Variants in DST observed in about 807,000 individuals in gnomAD.
DST encodes the protein dystonin, also known as bullous pemphigoid antigen.
In DST, 253 loss-of-function variants were observed where a neutral mutation model predicts 875.2. That is an observed-to-expected ratio of 0.29 (90% CI 0.26 to 0.32). The LOEUF (loss-of-function observed/expected upper bound fraction) is 0.32, where lower values mean the gene tolerates loss of function less well. DST is among the 10% of genes least tolerant of loss of function. The pLI, the probability that DST is intolerant of heterozygous loss-of-function variation, is 1.00. For synonymous variants in DST, 3,124 were observed against 3,197.1 expected (o/e 0.98, Z 0.77); for missense variants, 8,287 against 9,111.6 (o/e 0.91, Z 3.68).
At chr6:56,532,216 A>G in intron 64 of DST, 128 bp downstream of exon 64, 1 of 840,070 alleles carries the variant, frequency 1.2e-6, no homozygotes, top group Non-Finnish European at 1.8e-6. Flanking sequence ...AATCTTTGCT[A>G]TCTCTGTTCA....
intron 2 of DST, among the ~76,000 whole-genome samples, chr6:56,939,761 A>C (rs1032950948): frequency 6.6e-6 from 1 of 152,138 alleles, no homozygotes; most frequent in Non-Finnish European, 1.5e-5. Flanking sequence ...GTGGTGGCTC[A>C]CGCCTGTAAT....
chr6:56,462,824 T>A (rs1207535469), intron 102 of DST, among the ~76,000 whole-genome samples: 1 of 152,088 alleles, frequency 6.6e-6, no homozygotes, highest in Non-Finnish European at 1.5e-5. Flanking sequence ...AGTGACTGGG[T>A]CAAATTGACA....
At chr6:56,777,206 A>C (rs2099680876) in intron 4 of DST, among the ~76,000 whole-genome samples, 1 of 152,142 alleles carries the variant, frequency 6.6e-6, no homozygotes, top group Non-Finnish European at 1.5e-5. Flanking sequence ...AAGGCAATCC[A>C]ACAAATAGGA....
chr6:56,525,264 A>T (rs1027845874), intron 69 of DST, among the ~76,000 whole-genome samples: 1 of 152,192 alleles, frequency 6.6e-6, no homozygotes, highest in African/African-American at 2.4e-5. Flanking sequence ...ATAGTTAAAT[A>T]AACTTCACAA....
chr6:56,517,668 C>T, intron 69 of DST, 48 bp from the exon 70 acceptor site: 1 of 1,563,566 alleles, frequency 6.4e-7, no homozygotes, highest in South Asian at 1.2e-5. Context: ...GTTCCTGATG[C>T]CAGAAAATAC....
chr6:56,634,184 C>G lies in DST; in HGVS notation c.3569G>C (p.Trp1190Ser), dbSNP rs2098807192. 1 of 1,613,570 alleles carries G rather than the reference C, an allele frequency of 6.2e-7. No homozygotes were observed. Among genetic ancestry groups the G allele is most frequent in the Non-Finnish European group, 8.5e-7 (1 of 1,179,980 alleles). The change falls in exon 27 of 104, where the codon TGG (tryptophan) becomes TCG (serine). Residue 1190 changes from tryptophan (W) to serine (S), a missense_variant. Physicochemically the swap from Trp to Ser is radical, Grantham distance 177. This residue lies in a region of DST where 3,138 missense variants were observed against 3,116.6 expected (regional missense o/e 1.01). Transcript: ENST00000680361. The part of the protein sequence containing the change: ...SHINMKSVVS[W>S]HYLINEIDRI... ...ATCAATTTCATTGATGAGATAATGCCAGGATACTACACTCTTCATGTTTAT... is the reference window on the plus strand; with the variant it reads ...ATCAATTTCATTGATGAGATAATGCGAGGATACTACACTCTTCATGTTTAT...
intron 4 of DST, among the ~76,000 whole-genome samples, chr6:56,755,848 T>G (rs547101847): frequency 1.3e-5 from 2 of 152,216 alleles, no homozygotes; most frequent in African/African-American, 4.8e-5. Flanking sequence ...GCAAGACACA[T>G]AGCCTTGCTA....
At chr6:56,840,578 CTCTT>C (rs1345693028) in intron 4 of DST, among the ~76,000 whole-genome samples, 1 of 152,104 alleles carries the variant, frequency 6.6e-6, no homozygotes, top group Non-Finnish European at 1.5e-5. Context: ...TAGCAAATAG[CTCTT>C]TCTGTGTTAT....
Position 56,709,399 on chromosome 6 carries a change from T to C in DST, c.688-5030A>G, listed in dbSNP as rs138184835. Among the ~76,000 whole-genome samples the C allele has an allele frequency of 1.6e-4, 25 of 152,350 alleles. 1 individual carries two copies. The East Asian group carries it at 4.8e-3, about 29-fold the overall frequency. On this transcript the variant is annotated intron_variant, in intron 5 of 103. Coordinates refer to ENST00000680361, the MANE Select transcript of DST (RefSeq NM_001374736.1). The stretch of plus-strand genomic sequence containing the variant: ...GCTTAACTTATCAAAAATACTACAC[T>C]GAAAATTTCCTTTTGTTAACCTATA...
At chr6:56,713,864 T>C (rs2099386299) in intron 5 of DST, among the ~76,000 whole-genome samples, 1 of 152,230 alleles carries the variant, frequency 6.6e-6, no homozygotes, top group Admixed American at 6.5e-5. Flanking sequence ...ATACTTTATA[T>C]GCAAACTAAT....
chr6:56,627,503 T>C (rs2098745307), intron 33 of DST, among the ~76,000 whole-genome samples: 1 of 152,180 alleles, frequency 6.6e-6, no homozygotes, highest in Non-Finnish European at 1.5e-5. Flanking sequence ...CAGAAATTAC[T>C]AAACTCCTTA....
At chr6:56,612,827 TA>T (rs1185914388) in intron 37 of DST, among the ~76,000 whole-genome samples, 1 of 152,208 alleles carries the variant, frequency 6.6e-6, no homozygotes, top group Non-Finnish European at 1.5e-5. Context: ...TCTGACTTAG[TA>T]ATGTTTTAGA....
At position 56,605,797 on chromosome 6, in the gene DST, T is replaced by C; in HGVS notation, c.8831A>G (p.Asn2944Ser). 1 of 1,612,598 alleles carries C rather than the reference T, an allele frequency of 6.2e-7. No individual in the cohort carries two copies. The highest frequency in any genetic ancestry group is 8.5e-7 in the Non-Finnish European group (1 of 1,179,226). Residue 2944 changes from asparagine to serine, a missense_variant, in exon 40 of 104, where the codon AAT (asparagine) becomes AGT (serine). Transcript: ENST00000680361. Reference protein sequence around the residue: ...FGPASISHDNNNISSTSELGT... With the variant: ...FGPASISHDNSNISSTSELGT... ...TAATTCAGAAGTTGAACTGATATTA[T>C]TATTATCATGTGAAATACTTGCAGG...
chr6:56,596,814 C>T (rs1409519915), intron 47 of DST, among the ~76,000 whole-genome samples: 1 of 152,182 alleles, frequency 6.6e-6, no homozygotes, highest in Non-Finnish European at 1.5e-5. Flanking sequence ...CTACAGAAGT[C>T]GCCTTTGCTC....
chr6:56,811,679 G>A (rs868596761), intron 4 of DST, among the ~76,000 whole-genome samples: 1 of 152,118 alleles, frequency 6.6e-6, no homozygotes, highest in Non-Finnish European at 1.5e-5. Flanking sequence ...ACCTGCCAAA[G>A]GTCTTTCTCA....
intron 4 of DST, among the ~76,000 whole-genome samples, chr6:56,833,992 C>T (rs567116124): frequency 6.6e-6 from 1 of 152,036 alleles, no homozygotes; most frequent in African/African-American, 2.4e-5. Context: ...CTTTAGAAAG[C>T]CAAGGCAGGA....
intron 2 of DST, among the ~76,000 whole-genome samples, chr6:56,950,910 G>C (rs1042647179): frequency 5.3e-5 from 8 of 152,096 alleles, no homozygotes; most frequent in African/African-American, 1.7e-4. Flanking sequence ...CTTATTTCTA[G>C]CTTCATGAGG....
At chr6:56,636,430 A>G (rs911367238) in intron 23 of DST, 127 bp downstream of exon 23, 2 of 707,304 alleles carry the variant, frequency 2.8e-6, no homozygotes, top group African/African-American at 3.5e-5. Flanking sequence ...ATATGTGTAT[A>G]TATATATGTG....
intron 2 of DST, among the ~76,000 whole-genome samples, chr6:56,940,075 A>C (rs1038886041): frequency 1.3e-5 from 2 of 152,044 alleles, no homozygotes; most frequent in Non-Finnish European, 2.9e-5. Flanking sequence ...GAATAAAAAA[A>C]AGTTTCAATC....
Sources: allele counts gnomAD v4.1 joint callset (sites outside exome capture counted in the v4.1 genomes callset), GRCh38; gene constraint gnomAD v4.1.1; regional missense constraint gnomAD v4.1.1; transcripts MANE v1.5; gene names NCBI Gene and HGNC (gene_info 2026-07-23, HGNC 2026-07-21).